The following ERAP1 variants were observed in gnomAD, a reference collection of about 807,000 sequenced individuals.
ERAP1 encodes the protein endoplasmic reticulum aminopeptidase 1.
Under a neutral mutation model 103.7 loss-of-function variants are expected in ERAP1, and 86 were observed. That is an observed-to-expected ratio of 0.83 (90% CI 0.70 to 0.99). The LOEUF is 0.99. Ranked by LOEUF, ERAP1 falls within the 50% of genes least tolerant of loss-of-function variation. The pLI is 0.00. For synonymous variants in ERAP1, 398 were observed against 402.4 expected, an observed-to-expected ratio of 0.99 and a Z score of 0.13; for missense variants, 1,009 against 1,128.4, an observed-to-expected ratio of 0.89 and a Z score of 1.52.
downstream of ERAP1, chr5:96,772,297 C>G (rs1473422492): frequency 1.3e-5 from 2 of 153,586 alleles, no homozygotes; most frequent in East Asian, 3.8e-4. Flanking sequence ...GGGCCCTTAT[C>G]TTAATCTTCA....
At chr5:96,901,485 C>T in the ERAP1 span, 1 of 1,610,874 alleles carries the variant, frequency 6.2e-7, no homozygotes, top group Non-Finnish European at 8.5e-7. Flanking sequence ...CTTGAGTTAT[C>T]ATAGTCACCT....
the ERAP1 span, among the ~76,000 whole-genome samples, chr5:96,882,962 G>C: frequency 9.0e-3 from 1,365 of 152,198 alleles, 22 homozygotes; most frequent in African/African-American, 0.031. Context: ...AGTCCAAAGA[G>C]TAAATCTGTA....
the ERAP1 span, among the ~76,000 whole-genome samples, chr5:96,922,786 T>C: frequency 6.6e-6 from 1 of 152,166 alleles, no homozygotes; most frequent in African/African-American, 2.4e-5. Context: ...ATTTAAAGAT[T>C]TGTATTTATT....
the ERAP1 span, among the ~76,000 whole-genome samples, chr5:96,872,822 T>A: frequency 6.6e-6 from 1 of 152,158 alleles, no homozygotes; most frequent in Admixed American, 6.5e-5. Context: ...TATAATTTTT[T>A]AAAAAATGAA....
chr5:96,796,131 A>G (rs1384283096), intron 4 of ERAP1, among the ~76,000 whole-genome samples: 2 of 152,220 alleles, frequency 1.3e-5, no homozygotes, highest in African/African-American at 2.4e-5. Context: ...TTAAGTAAAG[A>G]TACCTCCACA....
intron 1 of ERAP1, among the ~76,000 whole-genome samples, chr5:96,805,348 T>G (rs1007735233): frequency 8.1e-6 from 1 of 123,010 alleles, no homozygotes; most frequent in African/African-American, 3.3e-5. Context: ...GGTTTTTGGT[T>G]TTTTTTTTTA....
chr5:96,832,945 G>A, the ERAP1 span, among the ~76,000 whole-genome samples: 1 of 152,178 alleles, frequency 6.6e-6, no homozygotes, highest in Non-Finnish European at 1.5e-5. Context: ...TGGAGCCATC[G>A]TGAATGAAAT....
chr5:96,908,951 T>C, the ERAP1 span: 5 of 1,610,114 alleles, frequency 3.1e-6, no homozygotes, highest in South Asian at 5.5e-5. Flanking sequence ...ACATTTGTTT[T>C]ATACTTCAGT....
chr5:96,832,726 T>C, the ERAP1 span, among the ~76,000 whole-genome samples: 12 of 152,252 alleles, frequency 7.9e-5, no homozygotes, highest in Non-Finnish European at 1.3e-4. Flanking sequence ...GTAGCAGATA[T>C]CATTGTACGT....
the ERAP1 span, chr5:96,903,384 G>T: frequency 6.2e-7 from 1 of 1,611,648 alleles, no homozygotes. Context: ...TAGATACTCT[G>T]GATCTACCTG....
At chr5:96,860,442 G>GTGTTGT in the ERAP1 span, among the ~76,000 whole-genome samples, 1 of 152,144 alleles carries the variant, frequency 6.6e-6, no homozygotes, top group African/African-American at 2.4e-5. Context: ...AATTAGGCCT[G>GTGTTGT]TGTTGTTGTT....
the ERAP1 span, among the ~76,000 whole-genome samples, chr5:96,838,640 G>A: frequency 1.3e-5 from 2 of 151,876 alleles, no homozygotes; most frequent in Admixed American, 6.6e-5. Flanking sequence ...AAGTTGCCCA[G>A]TTTTATTACT....
At chr5:96,896,877 T>G in the ERAP1 span, 115 of 1,565,696 alleles carry the variant, frequency 7.3e-5, no homozygotes, top group Non-Finnish European at 9.5e-5. Context: ...AGTCATATGT[T>G]GGGTAACGAT....
the ERAP1 span, among the ~76,000 whole-genome samples, chr5:96,856,147 C>T: frequency 1.3e-5 from 2 of 150,146 alleles, no homozygotes; most frequent in African/African-American, 4.9e-5. Context: ...GGTGAAACCC[C>T]GTCTGTATTA....
chr5:96,935,229 C>A, the ERAP1 span: 1 of 152,298 alleles, frequency 6.6e-6, no homozygotes, highest in Non-Finnish European at 1.5e-5. Flanking sequence ...CCTGCGGCGC[C>A]CGCGACCCGG....
intron 2 of ERAP1, among the ~76,000 whole-genome samples, chr5:96,801,726 T>A (rs750904401): frequency 1.3e-5 from 2 of 150,454 alleles, no homozygotes; most frequent in African/African-American, 2.4e-5. Flanking sequence ...GTGGTGCGCG[T>A]CTGTAATCCC....
chr5:96,835,784 T>C, the ERAP1 span, among the ~76,000 whole-genome samples: 1 of 152,136 alleles, frequency 6.6e-6, no homozygotes, highest in African/African-American at 2.4e-5. Flanking sequence ...TACTACAAAC[T>C]TTATCAACTG....
At chr5:96,887,312 T>G in the ERAP1 span, among the ~76,000 whole-genome samples, 1 of 151,010 alleles carries the variant, frequency 6.6e-6, no homozygotes, top group African/African-American at 2.4e-5. Flanking sequence ...ACTTTTTTTT[T>G]TTTTTTGAGA....
chr5:96,792,254 G>C, intron 7 of ERAP1, 62 bp from the exon 8 acceptor site: 1 of 1,552,388 alleles, frequency 6.4e-7, no homozygotes, highest in Non-Finnish European at 8.9e-7. Flanking sequence ...AAATGTCAAA[G>C]GTGGGACATT....
Sources: allele counts gnomAD v4.1 joint callset (sites outside exome capture counted in the v4.1 genomes callset), GRCh38; gene constraint gnomAD v4.1.1; transcripts MANE v1.5; gene names NCBI Gene and HGNC (gene_info 2026-07-23, HGNC 2026-07-21).